CHRM2: variants seen among roughly 807,000 people sequenced by gnomAD.
CHRM2 encodes the protein cholinergic receptor muscarinic 2, also known as muscarinic acetylcholine receptor M2.
CHRM2 carries 8 observed loss-of-function variants against 25.0 expected under a neutral mutation model. The ratio of observed to expected loss-of-function variants is 0.32; its 90% confidence interval spans 0.19 to 0.58. The LOEUF is 0.58. Ranked by LOEUF, CHRM2 falls within the 20% of genes least tolerant of loss-of-function variation. CHRM2 has a pLI of 0.88. For missense variants in CHRM2, 440 were observed against 567.1 expected (o/e 0.78, Z 2.28); for synonymous variants, 202 against 205.7 (o/e 0.98, Z 0.15).
At position 136,933,031 on chromosome 7, in the gene CHRM2, A is replaced by AAAATAAATAAAT. The variant is rs576034444; in HGVS notation, c.-124-59150_-124-59139dup. Among the ~76,000 whole-genome samples, 466 of 146,466 alleles carry AAAATAAATAAAT rather than the reference A, an allele frequency of 3.2e-3. 3 individuals are homozygous for AAAATAAATAAAT. The highest frequency in any genetic ancestry group is 0.01 in the African/African-American group (419 of 40,756). ...GGTGACAGAGCAAGACTCTGTTTCA[A>AAAATAAATAAAT]AAATAAATAAATAAATACATAAATA... On this transcript the variant is annotated intron_variant, in intron 2 of 3. Transcript: ENST00000680005.
At chr7:137,006,161 G>A (rs1175314252) in intron 3 of CHRM2, among the ~76,000 whole-genome samples, 1 of 152,116 alleles carries the variant, frequency 6.6e-6, no homozygotes, top group Admixed American at 6.6e-5. Context: ...AGAAAAAGGT[G>A]GATGCAGAAG....
chr7:136,983,434 C>G (rs1305807974), intron 2 of CHRM2, among the ~76,000 whole-genome samples: 3 of 152,150 alleles, frequency 2.0e-5, no homozygotes, highest in African/African-American at 7.2e-5. Flanking sequence ...CTACTTCTGT[C>G]TATTCATCAA....
intron 3 of CHRM2, among the ~76,000 whole-genome samples, chr7:137,014,603 T>G (rs2131128914): frequency 6.6e-6 from 1 of 152,106 alleles, no homozygotes; most frequent in Admixed American, 6.6e-5. Flanking sequence ...AAAACATTAC[T>G]GGACTTCAAG....
intron 2 of CHRM2, among the ~76,000 whole-genome samples, chr7:136,968,147 A>G (rs1801530408): frequency 6.6e-6 from 1 of 151,762 alleles, no homozygotes; most frequent in Non-Finnish European, 1.5e-5. Flanking sequence ...TCACCACCTC[A>G]CATACTTATT....
intron 2 of CHRM2, chr7:136,871,995 C>T (rs1795859101): frequency 1.3e-5 from 2 of 152,200 alleles, no homozygotes; most frequent in South Asian, 4.2e-4. Context: ...CTGGGCTAGA[C>T]AATAATGCCA....
chr7:136,938,725 G>A (rs1047400668), intron 2 of CHRM2, among the ~76,000 whole-genome samples: 10 of 151,914 alleles, frequency 6.6e-5, no homozygotes, highest in Non-Finnish European at 1.2e-4. Context: ...CCCCTCCTGC[G>A]CTGCCCCAGA....
chr7:137,008,575 T>A (rs1029900151), intron 3 of CHRM2, among the ~76,000 whole-genome samples: 1 of 152,078 alleles, frequency 6.6e-6, no homozygotes, highest in African/African-American at 2.4e-5. Flanking sequence ...GAGATCTTAA[T>A]GGTTGAAAGG....
At chr7:136,923,878 G>A (rs1430404721) in intron 2 of CHRM2, among the ~76,000 whole-genome samples, 2 of 151,898 alleles carry the variant, frequency 1.3e-5, no homozygotes, top group Non-Finnish European at 2.9e-5. Flanking sequence ...TAGGTGTGGC[G>A]GTGTGTGCCT....
chr7:136,911,691 C>T (rs1355401562), intron 2 of CHRM2, among the ~76,000 whole-genome samples: 3 of 151,906 alleles, frequency 2.0e-5, no homozygotes, highest in East Asian at 1.9e-4. Flanking sequence ...TCCATTTTTC[C>T]GTTTTCAAAC....
At chr7:136,893,360 C>T (rs1169416277) in intron 2 of CHRM2, among the ~76,000 whole-genome samples, 5 of 152,128 alleles carry the variant, frequency 3.3e-5, no homozygotes, top group Admixed American at 1.3e-4. Context: ...TGGAAAGACT[C>T]GCTAGAACAG....
At position 136,995,813 on chromosome 7, in the gene CHRM2, A is replaced by C. The variant is rs184982371; in HGVS notation, c.-47+3549A>C. Among the ~76,000 whole-genome samples, 2 of 152,120 alleles carry C rather than the reference A, an allele frequency of 1.3e-5. 1 individual carries two copies. The highest frequency in any genetic ancestry group is 1.3e-4 in the Admixed American group (2 of 15,280). On this transcript the variant is annotated intron_variant, in intron 3 of 3. Transcript: ENST00000680005. ...TTTAAAAAATAATAATTTCATAAGG[A>C]TAAAGGGATTCACAGATTATTCTAA...
intron 2 of CHRM2, among the ~76,000 whole-genome samples, chr7:136,970,853 G>A (rs1437029169): frequency 6.6e-6 from 1 of 152,094 alleles, no homozygotes; most frequent in African/African-American, 2.4e-5. Context: ...CAGAGATTTT[G>A]CTTGGGTCCC....
chr7:136,964,245 A>AAATGAAAATT (rs1801276074), intron 2 of CHRM2, among the ~76,000 whole-genome samples: 1 of 152,132 alleles, frequency 6.6e-6, no homozygotes, highest in South Asian at 2.1e-4. Flanking sequence ...ATATGTTTTT[A>AAATGAAAATT]AATGAAAATT....
In CHRM2 at chr7:137,016,649, G is replaced by A. The variant is rs1805207849; in HGVS notation, c.*383G>A. 1 of 218,192 alleles carries A rather than the reference G, an allele frequency of 4.6e-6. No individual in the cohort carries two copies. The highest frequency in any genetic ancestry group is 1.0e-5 in the Non-Finnish European group (1 of 99,912). 13.5% of individuals were successfully genotyped at this position (218,192 alleles called of 1,614,324 possible). A position where few individuals can be genotyped will look rare whatever the true frequency, so the allele number is the denominator to read the frequency against. ...TGTTGTTGTTCTCATGTGTCCTTAAGAGAAGGAAATGCCACAGTTACAAGG... is the reference window on the plus strand; with the variant it reads ...TGTTGTTGTTCTCATGTGTCCTTAAAAGAAGGAAATGCCACAGTTACAAGG... On this transcript the variant is annotated 3_prime_UTR_variant, in exon 4 of 4. Coordinates refer to ENST00000680005, the MANE Select transcript of CHRM2 (RefSeq NM_001006630.2).
At chr7:136,960,510 T>C (rs1239704083) in intron 2 of CHRM2, among the ~76,000 whole-genome samples, 1 of 152,204 alleles carries the variant, frequency 6.6e-6, no homozygotes, top group African/African-American at 2.4e-5. Context: ...TAGATCACGA[T>C]ACCTCCCAAC....
At chr7:136,939,175 C>T (rs60221770) in intron 2 of CHRM2, among the ~76,000 whole-genome samples, 2,466 of 152,248 alleles carry the variant, frequency 0.016, 66 homozygotes, top group African/African-American at 0.056. Flanking sequence ...GCCACAGATG[C>T]TCCTTCCAAG....
chr7:136,884,988 T>C (rs1255864761), intron 2 of CHRM2, among the ~76,000 whole-genome samples: 1 of 152,202 alleles, frequency 6.6e-6, no homozygotes, highest in Non-Finnish European at 1.5e-5. Flanking sequence ...TGGTGTGAGC[T>C]CCCCAAGCTT....
chr7:136,993,831 T>C (rs1229790183), intron 3 of CHRM2, among the ~76,000 whole-genome samples: 1 of 152,134 alleles, frequency 6.6e-6, no homozygotes, highest in African/African-American at 2.4e-5. Flanking sequence ...TACCTGATAA[T>C]TTTTGTTTCA....
At chr7:136,893,025 G>T (rs1796754721) in intron 2 of CHRM2, among the ~76,000 whole-genome samples, 1 of 152,010 alleles carries the variant, frequency 6.6e-6, no homozygotes, top group Non-Finnish European at 1.5e-5. Context: ...CTCTTCTCTT[G>T]TTCTCTCTCT....
Sources: allele counts gnomAD v4.1 joint callset (sites outside exome capture counted in the v4.1 genomes callset), GRCh38; gene constraint gnomAD v4.1.1; transcripts MANE v1.5; gene names NCBI Gene and HGNC (gene_info 2026-07-23, HGNC 2026-07-21).